Variants in MEIS2 observed in about 807,000 individuals in gnomAD.
MEIS2 encodes homeobox protein Meis2.
MEIS2 carries 9 observed loss-of-function variants against 58.6 expected under a neutral mutation model. The ratio of observed to expected loss-of-function variants is 0.15; its 90% CI spans 0.09 to 0.27. The LOEUF (loss-of-function observed/expected upper bound fraction) is 0.27. MEIS2 is among the 10% of genes least tolerant of loss of function. The pLI is 1.00. For synonymous variants in MEIS2, 221 were observed against 228.4 expected, an observed-to-expected ratio of 0.97 and a Z score of 0.29; for missense variants, 427 against 635.0, an observed-to-expected ratio of 0.67 and a Z score of 3.52.
intron 9 of MEIS2, among the ~76,000 whole-genome samples, chr15:36,940,323 G>T (rs1194652285): frequency 6.6e-6 from 1 of 152,072 alleles, no homozygotes; most frequent in Non-Finnish European, 1.5e-5. Flanking sequence ...TAAACCCCCT[G>T]CTCATTCTCC....
At chr15:36,990,351 G>GAA (rs921801880) in intron 8 of MEIS2, among the ~76,000 whole-genome samples, 4 of 140,412 alleles carry the variant, frequency 2.8e-5, no homozygotes, top group Non-Finnish European at 3.1e-5. Flanking sequence ...TGAATCTGCA[G>GAA]AAAAAAAAAA....
At chr15:37,034,425 G>A (rs767229365) in intron 8 of MEIS2, among the ~76,000 whole-genome samples, 106 of 152,080 alleles carry the variant, frequency 7.0e-4, no homozygotes, top group African/African-American at 8.5e-4. Context: ...AATTTGAGTC[G>A]GACAGAGAAT....
At position 36,922,931 on chromosome 15, in the gene MEIS2, T is replaced by C. The variant is rs949269610; in HGVS notation, c.978-26245A>G. Reference sequence around the variant, plus strand: ...GCTCCCGGCCAAACATAGTATAACTTTCTACGCAGTGTTTTTAGTTATCTA... The same window carrying C: ...GCTCCCGGCCAAACATAGTATAACTCTCTACGCAGTGTTTTTAGTTATCTA... On this transcript the variant is annotated intron_variant, in intron 9 of 11. Coordinates refer to ENST00000561208, the MANE Select transcript of MEIS2 (RefSeq NM_170675.5). Among the ~76,000 whole-genome samples, 11 of 152,266 alleles carry C rather than the reference T, an allele frequency of 7.2e-5. No individual in the cohort carries two copies. The East Asian group carries it at 1.2e-3, about 16-fold the overall frequency.
intron 9 of MEIS2, among the ~76,000 whole-genome samples, chr15:36,931,015 C>T (rs1307429421): frequency 6.6e-6 from 1 of 152,176 alleles, no homozygotes; most frequent in East Asian, 1.9e-4. Flanking sequence ...TCCCAAGTTT[C>T]CACATTTTTT....
chr15:36,965,913 G>T (rs1029052015), intron 8 of MEIS2, among the ~76,000 whole-genome samples: 2 of 152,188 alleles, frequency 1.3e-5, no homozygotes, highest in African/African-American at 4.8e-5. Flanking sequence ...AGAAATTCAG[G>T]CTATATCTCA....
chr15:37,060,588 A>T (rs896183888), intron 7 of MEIS2, among the ~76,000 whole-genome samples: 1 of 152,206 alleles, frequency 6.6e-6, no homozygotes, highest in Non-Finnish European at 1.5e-5. Context: ...ATAAAAAATT[A>T]TGACACAGAC....
intron 9 of MEIS2, among the ~76,000 whole-genome samples, chr15:36,936,355 C>T (rs1255316806): frequency 2.0e-5 from 3 of 152,002 alleles, no homozygotes; most frequent in Admixed American, 6.5e-5. Context: ...GTCACCACGC[C>T]CAGCTAATTT....
rs1179726750 is a variant in MEIS2 at position 36,977,008 on chromosome 15, C to T, written c.901-26608G>A. Among the ~76,000 whole-genome samples the T allele has an allele frequency of 3.3e-5, 5 of 152,124 alleles. No homozygotes were observed. The East Asian group carries it at 7.7e-4, about 24-fold the overall frequency. ...GGGCATGGTGGCGCATGCCTCTAAT[C>T]CCAGCTACTCAGGAGGCTGAGGCAG... On this transcript the variant is annotated intron_variant, in intron 8 of 11. Coordinates refer to ENST00000561208, the MANE Select transcript of MEIS2 (RefSeq NM_170675.5).
chr15:36,946,207 G>A (rs926247683), intron 9 of MEIS2, among the ~76,000 whole-genome samples: 1 of 151,838 alleles, frequency 6.6e-6, no homozygotes, highest in Admixed American at 6.6e-5. Flanking sequence ...GTGTATAAAT[G>A]CAACTCACCA....
intron 8 of MEIS2, among the ~76,000 whole-genome samples, chr15:36,983,392 T>C (rs1217977589): frequency 1.3e-5 from 2 of 152,158 alleles, no homozygotes; most frequent in African/African-American, 4.8e-5. Context: ...ACACCATTTA[T>C]TGAAGACACT....
At chr15:36,928,544 A>T (rs980078548) in intron 9 of MEIS2, among the ~76,000 whole-genome samples, 3 of 152,184 alleles carry the variant, frequency 2.0e-5, no homozygotes, top group African/African-American at 7.2e-5. Context: ...CCTCTTCATA[A>T]GAAGTGATTT....
chr15:37,067,796 AAAGT>A (rs1429241877), intron 7 of MEIS2, among the ~76,000 whole-genome samples: 1 of 152,164 alleles, frequency 6.6e-6, no homozygotes, highest in Non-Finnish European at 1.5e-5. Context: ...ATAGAGAAAG[AAAGT>A]GTCTTGAGCT....
At chr15:36,948,880 G>C (rs750843676) in intron 9 of MEIS2, among the ~76,000 whole-genome samples, 1 of 151,768 alleles carries the variant, frequency 6.6e-6, no homozygotes, top group Admixed American at 6.6e-5. Flanking sequence ...TGGTCTAAAG[G>C]GTGTCTTTAA....
intron 6 of MEIS2, among the ~76,000 whole-genome samples, chr15:37,090,044 A>C (rs1893331785): frequency 6.6e-6 from 1 of 152,130 alleles, no homozygotes; most frequent in Non-Finnish European, 1.5e-5. Context: ...GATAAATTTG[A>C]ATGTCTAGGA....
At chr15:37,084,200 T>TA (rs924572487) in intron 6 of MEIS2, among the ~76,000 whole-genome samples, 1 of 151,400 alleles carries the variant, frequency 6.6e-6, no homozygotes, top group African/African-American at 2.4e-5. Context: ...ATTTCTAAAG[T>TA]AAAAAAAAAT....
intron 8 of MEIS2, among the ~76,000 whole-genome samples, chr15:37,008,344 C>T (rs149208865): frequency 1.6e-4 from 25 of 152,300 alleles, no homozygotes; most frequent in African/African-American, 5.5e-4. Context: ...GGAAGTTTTG[C>T]ATTTGTTCTC....
At chr15:37,091,276 G>T (rs1484372481) in intron 6 of MEIS2, among the ~76,000 whole-genome samples, 1 of 152,094 alleles carries the variant, frequency 6.6e-6, no homozygotes, top group Non-Finnish European at 1.5e-5. Flanking sequence ...CTCAAAAATG[G>T]TGAAAACTCT....
At chr15:36,912,914 C>A (rs994037444) in intron 9 of MEIS2, among the ~76,000 whole-genome samples, 13 of 151,644 alleles carry the variant, frequency 8.6e-5, no homozygotes, top group Non-Finnish European at 1.8e-4. Context: ...GTGTGTTGTA[C>A]CCGTCCCTCA....
intron 8 of MEIS2, among the ~76,000 whole-genome samples, chr15:36,969,067 T>C (rs925540349): frequency 6.6e-6 from 1 of 152,228 alleles, no homozygotes; most frequent in Non-Finnish European, 1.5e-5. Context: ...ATTGCAGTCA[T>C]TTTTACTTGT....
Sources: allele counts gnomAD v4.1 joint callset (sites outside exome capture counted in the v4.1 genomes callset), GRCh38; gene constraint gnomAD v4.1.1; transcripts MANE v1.5; gene names NCBI Gene and HGNC (gene_info 2026-07-23, HGNC 2026-07-21).